CASK: variants seen among roughly 807,000 people sequenced by gnomAD.
CASK encodes calcium/calmodulin dependent serine protein kinase.
CASK carries 4 observed loss-of-function variants against 82.9 expected under a neutral mutation model. That is an observed-to-expected ratio of 0.05 (90% CI 0.02 to 0.11). The LOEUF is 0.11. Among genes scored for constraint, CASK ranks in the 10% least tolerant of loss-of-function variants. CASK has a pLI of 1.00. For synonymous variants in CASK, 259 were observed against 253.5 expected (o/e 1.02, Z -0.20); for missense variants, 358 against 720.9 (o/e 0.50, Z 5.76).
intron 14 of CASK, among the ~76,000 whole-genome samples, chrX:41,579,822 C>T (rs1376083215): frequency 2.8e-5 from 3 of 107,338 alleles, no homozygotes; most frequent in East Asian, 2.8e-4. Flanking sequence ...GGCATGCATA[C>T]GAGGCAAAAA....
intron 4 of CASK, among the ~76,000 whole-genome samples, chrX:41,742,211 TG>T (rs994261793): frequency 3.6e-5 from 4 of 111,443 alleles, no homozygotes; most frequent in African/African-American, 1.3e-4. Context: ...TCCAAATCTC[TG>T]GGGTGTAAAA....
At chrX:41,728,187 C>A (rs756572487) in intron 5 of CASK, 2 of 361,210 alleles carry the variant, frequency 5.5e-6, no homozygotes, top group South Asian at 1.9e-4. Context: ...AACATATATT[C>A]ATAAAACTCA....
chrX:41,890,159 C>G (rs1287687685), intron 1 of CASK, among the ~76,000 whole-genome samples: 1 of 110,748 alleles, frequency 9.0e-6, no homozygotes, highest in Non-Finnish European at 1.9e-5. Context: ...TTCCTACTAG[C>G]TCTGTTATTA....
rs1332939922 is a variant in CASK, at chrX:41,671,656, T to C, written c.430-126A>G. 3 of 505,967 alleles carry C rather than the reference T, an allele frequency of 5.9e-6. No individual in the cohort carries two copies. In the East Asian group the frequency reaches 1.1e-4, roughly 19 times the overall value. 41.7% of individuals were successfully genotyped at this position (505,967 alleles called of 1,213,427 possible). A position where few individuals can be genotyped will look rare whatever the true frequency, so the allele number is the denominator to read the frequency against. The stretch of plus-strand genomic sequence containing the variant: ...ATAATAGAGAAACACATTAAAAACT[T>C]CTAAATTATTCTGGATGCTTGAATT... On this transcript the variant is annotated intron_variant, in intron 5 of 26. Coordinates refer to ENST00000378163, the MANE Select transcript of CASK (RefSeq NM_001367721.1).
intron 5 of CASK, chrX:41,728,054 C>G: frequency 4.1e-6 from 4 of 965,359 alleles, no homozygotes; most frequent in Non-Finnish European, 5.6e-6. Flanking sequence ...AATGGAAAAC[C>G]CCACAATATT....
At chrX:41,569,634 G>C in intron 16 of CASK, 34 bp downstream of exon 16, 1 of 1,000,051 alleles carries the variant, frequency 1.0e-6, no homozygotes, top group Non-Finnish European at 1.4e-6. Flanking sequence ...AAAAAATTAA[G>C]GAAGGCAAAG....
intron 16 of CASK, among the ~76,000 whole-genome samples, chrX:41,569,096 G>C (rs984126202): frequency 8.9e-6 from 1 of 112,039 alleles, no homozygotes; most frequent in Non-Finnish European, 1.9e-5. Context: ...TTTAATCATC[G>C]ATTTGACATC....
At chrX:41,554,341 C>T (rs1243536212) in intron 20 of CASK, among the ~76,000 whole-genome samples, 2 of 111,435 alleles carry the variant, frequency 1.8e-5, no homozygotes, top group Admixed American at 9.5e-5. Context: ...GGTTTTAACC[C>T]TAAAGCAGCA....
intron 12 of CASK, among the ~76,000 whole-genome samples, chrX:41,598,776 C>T (rs768481142): frequency 3.6e-5 from 4 of 111,713 alleles, no homozygotes; most frequent in East Asian, 2.8e-4. Context: ...TCTTTTTTGA[C>T]GTGCAAAGAA....
At chrX:41,632,266 G>T (rs142659630) in intron 9 of CASK, among the ~76,000 whole-genome samples, 427 of 111,716 alleles carry the variant, frequency 3.8e-3, no homozygotes, top group African/African-American at 0.013. Context: ...GTAAATGCTG[G>T]GTTTCATTAC....
chrX:41,879,206 A>G (rs1363734148), intron 1 of CASK, among the ~76,000 whole-genome samples: 2 of 111,241 alleles, frequency 1.8e-5, no homozygotes, highest in Non-Finnish European at 3.8e-5. Context: ...TACACTAAAC[A>G]AAATTGAAAC....
chrX:41,864,542 T>A (rs1164553198), intron 1 of CASK, among the ~76,000 whole-genome samples: 1 of 111,772 alleles, frequency 8.9e-6, no homozygotes, highest in Non-Finnish European at 1.9e-5. Context: ...ATTTTAGTAT[T>A]TATAATAACA....
chrX:41,611,823 C>T (rs996557623), intron 11 of CASK, among the ~76,000 whole-genome samples: 40 of 110,508 alleles, frequency 3.6e-4, no homozygotes, highest in Non-Finnish European at 5.1e-4. Flanking sequence ...CTTAGCCTGC[C>T]GAGTGCCTGC....
At chrX:41,696,462 A>G in intron 5 of CASK, 3 of 1,201,759 alleles carry the variant, frequency 2.5e-6, no homozygotes, top group African/African-American at 1.7e-5. Flanking sequence ...CATTTTTACT[A>G]TATGTTTTGT....
intron 9 of CASK, among the ~76,000 whole-genome samples, chrX:41,628,442 T>A (rs1203086167): frequency 9.0e-6 from 1 of 111,309 alleles, no homozygotes; most frequent in African/African-American, 3.3e-5. Flanking sequence ...TAGCTGGGAC[T>A]ACAGGCGTGT....
intron 1 of CASK, among the ~76,000 whole-genome samples, chrX:41,866,836 G>T (rs1439403674): frequency 3.6e-5 from 4 of 111,190 alleles, no homozygotes; most frequent in Non-Finnish European, 7.5e-5. Context: ...CTCTACCTTA[G>T]AATTTTAGGG....
intron 2 of CASK, among the ~76,000 whole-genome samples, chrX:41,803,519 G>A (rs745619266): frequency 2.7e-5 from 3 of 111,461 alleles, no homozygotes; most frequent in Middle Eastern, 9.1e-3. Flanking sequence ...TTGAACCCAG[G>A]AGGTGGAGGC....
chrX:41,691,909 CT>C (rs1233516720), intron 5 of CASK, among the ~76,000 whole-genome samples: 1 of 94,496 alleles, frequency 1.1e-5, no homozygotes, highest in East Asian at 3.7e-4. Flanking sequence ...CTTGAACTTT[CT>C]TTCTTTCTTC....
intron 8 of CASK, among the ~76,000 whole-genome samples, chrX:41,653,737 GT>G (rs2066896110): frequency 8.9e-6 from 1 of 112,601 alleles, no homozygotes; most frequent in Non-Finnish European, 1.9e-5. Context: ...GGTATCATCA[GT>G]TTACTGAAAA....
Sources: gnomAD v4.1 joint callset for allele counts (sites outside exome capture counted in the v4.1 genomes callset) on GRCh38, gnomAD v4.1.1 for gene constraint, MANE v1.5 for transcripts, NCBI Gene and HGNC (gene_info 2026-07-23, HGNC 2026-07-21) for gene names.